Variants in ECSIT observed in about 807,000 individuals in gnomAD.
ECSIT encodes ECSIT signaling integrator, also known as evolutionarily conserved signaling intermediate in Toll pathway, mitochondrial.
Under a neutral mutation model 36.8 loss-of-function variants are expected in ECSIT, and 29 were observed. The observed-to-expected ratio is 0.79, with a 90% CI of 0.59 to 1.08. The LOEUF is 1.08. Ranked by LOEUF, ECSIT falls within the 50% of genes least tolerant of loss-of-function variation. ECSIT has a pLI of 0.00. For synonymous variants in ECSIT, 231 were observed against 234.8 expected (o/e 0.98, Z 0.15); for missense variants, 542 against 581.0 (o/e 0.93, Z 0.69).
At position 11,506,287 on chromosome 19, in the gene ECSIT, C is replaced by T. The variant is rs1400539062; in HGVS notation, c.1193G>A (p.Arg398Gln). The change falls in exon 8 of 8, where the codon CGG (arginine) becomes CAG (glutamine). Residue 398 changes from arginine (R) to glutamine (Q), a missense_variant. Physicochemically the swap from Arg to Gln is conservative, Grantham distance 43. Transcript: ENST00000270517. ...PVVFRLAGST[R>Q]ELQTSSAGLE... The stretch of plus-strand genomic sequence containing the variant: ...CCCTGCAGAGGATGTCTGGAGCTCC[C>T]GGGTGGACCCGGCGAGGCGGAAGAC... 3.1e-6 allele frequency: 5 copies of T among 1,612,578 alleles called. No individual in the cohort carries two copies. Among genetic ancestry groups the T allele is most frequent in the East Asian group, 2.2e-5 (1 of 44,874 alleles).
chr19:11,520,105 T>C (rs1972072212), intron 1 of ECSIT: 1 of 152,090 alleles, frequency 6.6e-6, no homozygotes, highest in South Asian at 2.1e-4. Context: ...GGCCATTTCA[T>C]ACAAATGGAA....
In ECSIT at chr19:11,519,057, T is replaced by C; in HGVS notation, c.96+18A>G. The C allele has an allele frequency of 1.1e-5, 17 of 1,548,872 alleles. No individual in the cohort carries two copies. Among genetic ancestry groups the C allele is most frequent in the Non-Finnish European group, 1.5e-5 (17 of 1,144,516 alleles). ...GCTTACCTCCCTCTACCCAAAAGAC[T>C]GCCTGGCTGGTGCTTACCTGAGAGA... On this transcript the variant is annotated intron_variant, in intron 2 of 7. Coordinates refer to ENST00000270517, the MANE Select transcript of ECSIT (RefSeq NM_016581.5). This position sits in a 1 kb window ranked among gnomAD's most constrained non-coding sequence, Gnocchi z 4.4.
At chr19:11,508,325 C>T (rs376022713) in intron 4 of ECSIT, among the ~76,000 whole-genome samples, 1 of 151,272 alleles carries the variant, frequency 6.6e-6, no homozygotes, top group Non-Finnish European at 1.5e-5. Flanking sequence ...AGTCACTGTA[C>T]CTGTGTGCCT....
intron 1 of ECSIT, 75 bp downstream of exon 1, chr19:11,528,987 C>T (rs1056429463): frequency 6.6e-6 from 1 of 152,258 alleles, no homozygotes; most frequent in Non-Finnish European, 1.5e-5. Context: ...CAGGGCTGCC[C>T]TCTCGCGCTG....
Position 11,517,700 on chromosome 19 carries a change from G to A in ECSIT, c.96+1375C>T, listed in dbSNP as rs74342934. Among the ~76,000 whole-genome samples, 390 of 152,202 alleles carry A rather than the reference G, an allele frequency of 2.6e-3. 3 individuals are homozygous for A. The highest frequency in any genetic ancestry group is 8.8e-3 in the African/African-American group (366 of 41,524). ...GAAAGGAAGCTCTAAAATGCCTAACGAGGGGGAAACACTGCAAAGGAGGTA... is the reference window on the plus strand; with the variant it reads ...GAAAGGAAGCTCTAAAATGCCTAACAAGGGGGAAACACTGCAAAGGAGGTA... On this transcript the variant is annotated intron_variant, in intron 2 of 7. Transcript: ENST00000270517.
chr19:11,514,552 T>C (rs1971950083), intron 2 of ECSIT, among the ~76,000 whole-genome samples: 2 of 151,504 alleles, frequency 1.3e-5, no homozygotes, highest in Admixed American at 1.3e-4. Flanking sequence ...AGACGGGGTC[T>C]GGCTCTGTGG....
chr19:11,514,839 ATT>A (rs35947860), intron 2 of ECSIT, among the ~76,000 whole-genome samples: 38 of 136,186 alleles, frequency 2.8e-4, no homozygotes, highest in Admixed American at 5.9e-4. Context: ...TTTGCTTGTA[ATT>A]TTTTTTTTTT....
chr19:11,515,605 T>C (rs1197838477), intron 2 of ECSIT, among the ~76,000 whole-genome samples: 1 of 152,138 alleles, frequency 6.6e-6, no homozygotes, highest in Non-Finnish European at 1.5e-5. Flanking sequence ...TACAGGCGCC[T>C]GCCACCATGC....
rs543247304 is a variant in ECSIT at position 11,507,760 on chromosome 19, C to A, written c.887G>T (p.Arg296Leu). Reference sequence around the variant, plus strand: ...GATGTGGTAATACACACACTTGTTGCGGAGCCACAGGGAGAAGGGGCCCTC... The same window carrying A: ...GATGTGGTAATACACACACTTGTTGAGGAGCCACAGGGAGAAGGGGCCCTC... ...FVEGPFSLWL[R>L]NKCVYYHILR... The change falls in exon 6 of 8, where the codon CGC becomes CTC. Residue 296 changes from arginine (R) to leucine (L), a missense_variant. Physicochemically the swap from Arg to Leu is moderately radical, Grantham distance 102. Transcript: ENST00000270517. The A allele has an allele frequency of 6.2e-7, 1 of 1,614,092 alleles. No homozygotes were observed. The highest frequency in any genetic ancestry group is 1.1e-5 in the South Asian group (1 of 91,092).
At chr19:11,522,381 C>T (rs1198651213) in intron 1 of ECSIT, 13 of 934,252 alleles carry the variant, frequency 1.4e-5, no homozygotes, top group Non-Finnish European at 2.2e-5. Flanking sequence ...GCAAGTCCCA[C>T]CGGCTGGCCG....
chr19:11,518,125 TAAAAAA>T (rs879302971), intron 2 of ECSIT, among the ~76,000 whole-genome samples: 1 of 136,956 alleles, frequency 7.3e-6, no homozygotes, highest in African/African-American at 2.7e-5. Context: ...ACCATATACT[TAAAAAA>T]AAAAAAAATT....
chr19:11,525,360 A>ATTAACCAGGCATGGTAG (rs1437464947), intron 1 of ECSIT, among the ~76,000 whole-genome samples: 1 of 151,972 alleles, frequency 6.6e-6, no homozygotes, highest in African/African-American at 2.4e-5. Flanking sequence ...AAATTTAAAA[A>ATTAACCAGGCATGGTAG]TTAACCAGGC....
chr19:11,505,956 C>G lies in ECSIT; in HGVS notation c.*228G>C, dbSNP rs1005876536. The G allele has an allele frequency of 4.7e-5, 44 of 933,224 alleles. 2 individuals carry two copies. In the South Asian group the frequency reaches 7.0e-4, roughly 15 times the overall value. The allele number at this position is 933,224 out of a possible 1,614,324, so 57.8% of individuals were successfully genotyped here. A position where few individuals can be genotyped will look rare whatever the true frequency, so the allele number is the denominator to read the frequency against. On this transcript the variant is annotated 3_prime_UTR_variant, in exon 8 of 8. Transcript: ENST00000270517. ...CGCACAACCAACAGCGCTCCCGCCC[C>G]TTTTTATTTGAATTCGGAGAACCAG...
At chr19:11,525,326 T>C (rs897441591) in intron 1 of ECSIT, among the ~76,000 whole-genome samples, 15 of 151,882 alleles carry the variant, frequency 9.9e-5, no homozygotes, top group Admixed American at 2.6e-4. Flanking sequence ...CCTGACAACA[T>C]AGCCAGACAC....
chr19:11,520,753 C>T (rs1383579559), intron 1 of ECSIT, among the ~76,000 whole-genome samples: 3 of 151,234 alleles, frequency 2.0e-5, no homozygotes, highest in Non-Finnish European at 4.4e-5. Context: ...CCTTGTGATC[C>T]GTCCGCCTCA....
At chr19:11,510,261 G>C (rs912579918) in intron 4 of ECSIT, among the ~76,000 whole-genome samples, 4 of 151,958 alleles carry the variant, frequency 2.6e-5, no homozygotes, top group African/African-American at 9.7e-5. Flanking sequence ...CTACAGACTT[G>C]ACTTCCTGAG....
intron 3 of ECSIT, 40 bp from the exon 4 acceptor site, chr19:11,513,319 G>A (rs1555739615): frequency 6.5e-7 from 1 of 1,533,314 alleles, no homozygotes; most frequent in Non-Finnish European, 9.0e-7. Flanking sequence ...AGAGATGGAG[G>A]GGGAGGAGGG....
intron 1 of ECSIT, chr19:11,523,883 A>G: frequency 2.2e-6 from 1 of 456,614 alleles, no homozygotes; most frequent in Non-Finnish European, 4.1e-6. Flanking sequence ...ACTGTTATGT[A>G]ATCACTGAGA....
intron 3 of ECSIT, 117 bp from the exon 4 acceptor site, chr19:11,513,396 G>T (rs1287389489): frequency 3.2e-6 from 3 of 935,788 alleles, no homozygotes; most frequent in Non-Finnish European, 5.1e-6. Context: ...AAAAGAATCA[G>T]AGAGAATTAG....
Sources: allele counts gnomAD v4.1 joint callset (sites outside exome capture counted in the v4.1 genomes callset), GRCh38; gene constraint gnomAD v4.1.1; non-coding constraint Gnocchi (gnomAD v3.1); transcripts MANE v1.5; gene names NCBI Gene and HGNC (gene_info 2026-07-23, HGNC 2026-07-21).